NEURL1B: variants seen among roughly 807,000 people sequenced by gnomAD.
NEURL1B encodes neuralized E3 ubiquitin protein ligase 1B.
A neutral mutation model predicts 37.4 loss-of-function variants in NEURL1B; 13 were observed. The ratio of observed to expected loss-of-function variants is 0.35; its 90% confidence interval spans 0.23 to 0.55. The LOEUF (loss-of-function observed/expected upper bound fraction) is 0.55, where lower values mean the gene tolerates loss of function less well. NEURL1B is among the 20% of genes least tolerant of loss of function. The pLI, the probability that NEURL1B is intolerant of heterozygous loss-of-function variation, is 0.89. For synonymous variants in NEURL1B, 432 were observed against 426.6 expected (o/e 1.01, Z -0.16); for missense variants, 790 against 879.2 (o/e 0.90, Z 1.28).
At chr5:172,645,795 G>A (rs1422237377) in intron 1 of NEURL1B, among the ~76,000 whole-genome samples, 1 of 151,998 alleles carries the variant, frequency 6.6e-6, no homozygotes, top group African/African-American at 2.4e-5. Context: ...GTAACAGAAC[G>A]GGACACCCAG....
chr5:172,687,145 C>T lies in NEURL1B; in HGVS notation c.*220C>T. The T allele has an allele frequency of 1.8e-6, 1 of 558,976 alleles. No homozygotes were observed. The highest frequency in any genetic ancestry group is 3.2e-6 in the Non-Finnish European group (1 of 314,200). 34.6% of individuals were successfully genotyped at this position (558,976 alleles called of 1,614,324 possible). On this transcript the variant is annotated 3_prime_UTR_variant, in exon 5 of 5. Coordinates refer to ENST00000369800, the MANE Select transcript of NEURL1B (RefSeq NM_001142651.3). ...TGCCCCCAAAAGGCCGTCCCAAGAG[C>T]AAGCTCAGGAACTGCCTGGCAGATC...
At chr5:172,644,527 G>A (rs900648434) in intron 1 of NEURL1B, among the ~76,000 whole-genome samples, 6 of 152,178 alleles carry the variant, frequency 3.9e-5, no homozygotes, top group African/African-American at 1.4e-4. Flanking sequence ...AAGCCTCTTG[G>A]CAGCTCTTGC....
chr5:172,652,912 G>A (rs1757695784), intron 1 of NEURL1B, among the ~76,000 whole-genome samples: 1 of 152,224 alleles, frequency 6.6e-6, no homozygotes, highest in African/African-American at 2.4e-5. Context: ...CTGGGACTAT[G>A]GCCCACGACT....
intron 1 of NEURL1B, among the ~76,000 whole-genome samples, chr5:172,660,318 C>A (rs563809194): frequency 2.0e-4 from 31 of 152,320 alleles, no homozygotes; most frequent in African/African-American, 6.5e-4. Context: ...GACCTCACCC[C>A]CTGGGAACTC....
intron 1 of NEURL1B, among the ~76,000 whole-genome samples, chr5:172,652,443 A>C (rs1319860752): frequency 2.0e-5 from 3 of 152,248 alleles, no homozygotes; most frequent in Non-Finnish European, 4.4e-5. Context: ...TATTCTGTCT[A>C]ATTGCCAATG....
chr5:172,679,051 T>G (rs992452694), intron 2 of NEURL1B, among the ~76,000 whole-genome samples: 2 of 152,238 alleles, frequency 1.3e-5, no homozygotes, highest in African/African-American at 4.8e-5. Context: ...TCAGTGGCTA[T>G]TCATGGCAGG....
Position 172,687,087 on chromosome 5 carries a change from C to T in NEURL1B, c.*162C>T, listed in dbSNP as rs1176389727. On this transcript the variant is annotated 3_prime_UTR_variant, in exon 5 of 5. Transcript: ENST00000369800. ...GAGCGAGGCCCACAGGGCCTCAGCC[C>T]AGGCAGGGGTTGCTTCTGGCTCCAA... is the stretch of plus-strand genomic sequence containing the variant. The T allele has an allele frequency of 1.2e-6, 1 of 846,854 alleles. No homozygotes were observed. Among genetic ancestry groups the T allele is most frequent in the Admixed American group, 3.0e-5 (1 of 33,752 alleles). The allele number at this position is 846,854 out of a possible 1,614,324, so 52.5% of individuals were successfully genotyped here. A position where few individuals can be genotyped will look rare whatever the true frequency, so the allele number is the denominator to read the frequency against.
chr5:172,654,700 TG>T (rs1757733166), intron 1 of NEURL1B, among the ~76,000 whole-genome samples: 1 of 151,980 alleles, frequency 6.6e-6, no homozygotes, highest in Non-Finnish European at 1.5e-5. Context: ...ACAGATTGAA[TG>T]TATTTGGGCC....
intron 1 of NEURL1B, among the ~76,000 whole-genome samples, chr5:172,652,193 G>T (rs749098903): frequency 5.3e-5 from 8 of 152,244 alleles, no homozygotes; most frequent in African/African-American, 9.6e-5. Context: ...GGGCTGACCC[G>T]CAGGGTGCTG....
chr5:172,657,062 T>C lies in NEURL1B; in HGVS notation c.32-12723T>C, dbSNP rs1469322096. Among the ~76,000 whole-genome samples the C allele has an allele frequency of 6.6e-6, 1 of 152,204 alleles. No homozygotes were observed. Among genetic ancestry groups the C allele is most frequent in the Non-Finnish European group, 1.5e-5 (1 of 68,040 alleles). ...TTTGAGTCAGTCCCTCACGTCCCCA[T>C]GATGGATGACTGGTTGGCTAGGGAA... On this transcript the variant is annotated intron_variant, in intron 1 of 4. Transcript: ENST00000369800. The surrounding 1 kb of genome is among the most constrained non-coding windows in gnomAD (Gnocchi z 4.0).
At chr5:172,664,002 A>G (rs1350629043) in intron 1 of NEURL1B, among the ~76,000 whole-genome samples, 1 of 151,684 alleles carries the variant, frequency 6.6e-6, no homozygotes, top group Non-Finnish European at 1.5e-5. Flanking sequence ...CCTCGATGGA[A>G]TATTCTGCAG....
intron 1 of NEURL1B, among the ~76,000 whole-genome samples, chr5:172,663,520 CAAAA>C (rs34033673): frequency 9.0e-6 from 1 of 111,058 alleles, no homozygotes; most frequent in East Asian, 2.8e-4. Context: ...GACTCCATCT[CAAAA>C]AAAAAAAAAA....
At position 172,657,955 on chromosome 5, in the gene NEURL1B, T is replaced by C. The variant is rs1453687335; in HGVS notation, c.32-11830T>C. ...GTGTTTGATCTTTCTTATAAGTGCA[T>C]AGAAGAAAACGCTGACATATGCTGC... On this transcript the variant is annotated intron_variant, in intron 1 of 4. Transcript: ENST00000369800. The surrounding 1 kb of genome is among the most constrained non-coding windows in gnomAD (Gnocchi z 4.0). 1.3e-5 allele frequency among the ~76,000 whole-genome samples: 2 copies of C among 152,208 alleles called. No individual in the cohort carries two copies. The highest frequency in any genetic ancestry group is 2.9e-5 in the Non-Finnish European group (2 of 68,030).
chr5:172,670,785 T>C (rs1017149910), intron 2 of NEURL1B, among the ~76,000 whole-genome samples: 2 of 152,212 alleles, frequency 1.3e-5, no homozygotes, highest in Non-Finnish European at 1.5e-5. Flanking sequence ...TTCCATTTGC[T>C]CATTTAGTCG....
intron 1 of NEURL1B, among the ~76,000 whole-genome samples, chr5:172,664,621 C>G (rs1252898487): frequency 1.3e-5 from 2 of 152,170 alleles, no homozygotes; most frequent in African/African-American, 4.8e-5. Flanking sequence ...TCCGCAGGGC[C>G]CTTGGAGTCC....
chr5:172,677,305 C>T (rs552024380), intron 2 of NEURL1B, among the ~76,000 whole-genome samples: 22 of 152,304 alleles, frequency 1.4e-4, no homozygotes, highest in African/African-American at 5.3e-4. Context: ...TGGAGCGAGA[C>T]CGCCGCTGCA....
Position 172,686,232 on chromosome 5 carries a change from C to A in NEURL1B, c.1359C>A (p.Asp453Glu), listed in dbSNP as rs747829. 6.4e-7 allele frequency: 1 copy of A among 1,551,590 alleles called. No individual in the cohort carries two copies. Among genetic ancestry groups the A allele is most frequent in the Admixed American group, 2.0e-5 (1 of 51,000 alleles). The change falls in exon 4 of 5, where the codon GAC (aspartate) becomes GAA (glutamate). Residue 453 changes from aspartate to glutamate, a missense_variant. Coordinates refer to ENST00000369800, the MANE Select transcript of NEURL1B (RefSeq NM_001142651.3). The surrounding 1 kb of genome is among the most constrained non-coding windows in gnomAD (Gnocchi z 7.9). ...CAGGGTCCCTCAGCGGCTCCCAGGA[C>A]GATAGTGATTCAGATATGACCTTCA... ...TPSGSLSGSQDDSDSDMTFSV... is the reference protein window; with the variant it reads ...TPSGSLSGSQEDSDSDMTFSV...
rs1207193742 is a variant in NEURL1B at position 172,683,055 on chromosome 5, G to A, written c.578-364G>A. ...GACGGACAATAAACGATTTTTAGATGCCCTTTTAATGATCAAAGTATGGAA... is the reference window on the plus strand; with the variant it reads ...GACGGACAATAAACGATTTTTAGATACCCTTTTAATGATCAAAGTATGGAA... On this transcript the variant is annotated intron_variant, in intron 2 of 4. Transcript: ENST00000369800. The surrounding 1 kb of genome is among the most constrained non-coding windows in gnomAD (Gnocchi z 5.6). 2.0e-5 allele frequency among the ~76,000 whole-genome samples: 3 copies of A among 152,142 alleles called. No individual in the cohort carries two copies. The highest frequency in any genetic ancestry group is 7.2e-5 in the African/African-American group (3 of 41,430).
chr5:172,657,047 T>C lies in NEURL1B; in HGVS notation c.32-12738T>C, dbSNP rs10039225. 0.21 allele frequency among the ~76,000 whole-genome samples: 32,509 copies of C among 152,134 alleles called. 3,731 individuals carry two copies. Among genetic ancestry groups the C allele is most frequent in the Admixed American group, 0.27 (4,196 of 15,292 alleles). On this transcript the variant is annotated intron_variant, in intron 1 of 4. Transcript: ENST00000369800. The surrounding 1 kb of genome is among the most constrained non-coding windows in gnomAD (Gnocchi z 4.0). ...TCCTGCTATAGACTATTTGAGTCAG[T>C]CCCTCACGTCCCCATGATGGATGAC... is the stretch of plus-strand genomic sequence containing the variant.
Sources: gnomAD v4.1 joint callset for allele counts (sites outside exome capture counted in the v4.1 genomes callset) on GRCh38, gnomAD v4.1.1 for gene constraint, Gnocchi (gnomAD v3.1) non-coding constraint, MANE v1.5 for transcripts, NCBI Gene and HGNC (gene_info 2026-07-23, HGNC 2026-07-21) for gene names.